The following GPRC6A variants were observed in gnomAD, a reference collection of about 807,000 sequenced individuals.
The protein encoded by GPRC6A is G protein-coupled receptor family C group 6 member A.
In GPRC6A, 54 loss-of-function variants were observed where a neutral mutation model predicts 47.0. That is an observed-to-expected ratio of 1.15 (90% confidence interval 0.92 to 1.44). GPRC6A has a LOEUF of 1.44. Among genes scored for constraint, GPRC6A ranks in the 40% most tolerant of loss-of-function variants. The pLI is 0.00. For synonymous variants in GPRC6A, 347 were observed against 377.1 expected, an observed-to-expected ratio of 0.92 and a Z score of 0.93; for missense variants, 1,112 against 1,105.5, an observed-to-expected ratio of 1.01 and a Z score of -0.08.
At chr6:116,807,840 T>C (rs1024979499) in intron 2 of GPRC6A, among the ~76,000 whole-genome samples, 15 of 152,294 alleles carry the variant, frequency 9.8e-5, no homozygotes, top group African/African-American at 3.6e-4. Flanking sequence ...TGACTCCTGA[T>C]GAAGTCAAAT....
At chr6:116,824,439 A>G (rs745824447) in intron 1 of GPRC6A, among the ~76,000 whole-genome samples, 18 of 152,066 alleles carry the variant, frequency 1.2e-4, no homozygotes, top group Non-Finnish European at 2.2e-4. Flanking sequence ...AGAAATACAA[A>G]AGATTATCAG....
At chr6:116,815,614 G>A (rs1229927942) in intron 1 of GPRC6A, among the ~76,000 whole-genome samples, 1 of 152,016 alleles carries the variant, frequency 6.6e-6, no homozygotes, top group Non-Finnish European at 1.5e-5. Context: ...CCATATATTA[G>A]GCCATAAAAC....
rs1000094362 is a variant in GPRC6A, at chr6:116,820,706, T to C, written c.194+8114A>G. 6.7e-3 allele frequency among the ~76,000 whole-genome samples: 1,016 copies of C among 152,012 alleles called. 9 individuals are homozygous for C. Among genetic ancestry groups the C allele is most frequent in the African/African-American group, 0.023 (951 of 41,390 alleles). Reference sequence around the variant, plus strand: ...ATAAATTAGGTATTGATGTGACATATTTCAAAATAATAAGAGCTATCTATG... The same window carrying C: ...ATAAATTAGGTATTGATGTGACATACTTCAAAATAATAAGAGCTATCTATG... On this transcript the variant is annotated intron_variant, in intron 1 of 5. Transcript: ENST00000310357.
chr6:116,805,964 T>C (rs1772822485), intron 3 of GPRC6A, among the ~76,000 whole-genome samples: 1 of 152,060 alleles, frequency 6.6e-6, no homozygotes, highest in Non-Finnish European at 1.5e-5. Context: ...CAGACTGCAG[T>C]TGTATTTCTG....
chr6:116,798,829 G>A (rs1772567243), intron 4 of GPRC6A, among the ~76,000 whole-genome samples: 1 of 150,790 alleles, frequency 6.6e-6, no homozygotes, highest in Admixed American at 6.6e-5. Flanking sequence ...GTTGCAGTGA[G>A]CCGAGATCAC....
intron 2 of GPRC6A, among the ~76,000 whole-genome samples, chr6:116,808,853 T>C (rs1772935411): frequency 6.6e-6 from 1 of 152,138 alleles, no homozygotes; most frequent in South Asian, 2.1e-4. Flanking sequence ...AGAGATCTTT[T>C]TGCTTATTTT....
At chr6:116,796,070 T>C (rs1772478886) in intron 4 of GPRC6A, among the ~76,000 whole-genome samples, 1 of 152,124 alleles carries the variant, frequency 6.6e-6, no homozygotes, top group Admixed American at 6.6e-5. Flanking sequence ...AAGCAAATTA[T>C]GGAAATTAGC....
Position 116,793,234 on chromosome 6 carries a change from A to T in GPRC6A, c.1689T>A (p.Leu563=), listed in dbSNP as rs759557655. The T allele has an allele frequency of 6.3e-7, 1 of 1,595,402 alleles. No individual in the cohort carries two copies. The highest frequency in any genetic ancestry group is 2.2e-5 in the East Asian group (1 of 44,734). ...CCCAGTGAGTTTTGTTGTTGCATAA[A>T]AGGCAGTGAGGCATATCTAAAAGAC... is the stretch of plus-strand genomic sequence containing the variant. The part of the protein sequence containing the change: ...YTNQTDMPHC[L]LCNNKTHWAP... Residue 563 remains leucine, a synonymous_variant, in exon 6 of 6, where the codon CTT becomes CTA. Coordinates refer to ENST00000310357, the MANE Select transcript of GPRC6A (RefSeq NM_148963.4).
chr6:116,817,078 G>T (rs1258364248), intron 1 of GPRC6A, among the ~76,000 whole-genome samples: 5 of 152,136 alleles, frequency 3.3e-5, no homozygotes, highest in African/African-American at 7.2e-5. Context: ...TCCACCTCTG[G>T]GGGCAGGGCA....
intron 1 of GPRC6A, among the ~76,000 whole-genome samples, chr6:116,822,569 G>C (rs1211753269): frequency 7.2e-6 from 1 of 139,638 alleles, no homozygotes; most frequent in Admixed American, 7.3e-5. Context: ...TAGGGACATG[G>C]ATGAAATTGG....
At chr6:116,814,177 A>G (rs1039596767) in intron 1 of GPRC6A, among the ~76,000 whole-genome samples, 1 of 152,198 alleles carries the variant, frequency 6.6e-6, no homozygotes. Context: ...TGGTTCAACC[A>G]TTGTGGAAGA....
chr6:116,815,580 G>A (rs1473692482), intron 1 of GPRC6A, among the ~76,000 whole-genome samples: 2 of 152,152 alleles, frequency 1.3e-5, no homozygotes, highest in Non-Finnish European at 2.9e-5. Flanking sequence ...TCTTCTCAGT[G>A]CATGGAACAT....
intron 1 of GPRC6A, among the ~76,000 whole-genome samples, chr6:116,824,776 A>G (rs1773626313): frequency 1.3e-5 from 2 of 152,072 alleles, no homozygotes; most frequent in African/African-American, 4.8e-5. Flanking sequence ...AAAACCAGAT[A>G]AGGACACAAT....
At position 116,792,178 on chromosome 6, in the gene GPRC6A, A is replaced by G; in HGVS notation, c.2745T>C (p.Ser915=). 6.2e-7 allele frequency: 1 copy of G among 1,613,864 alleles called. No homozygotes were observed. Among genetic ancestry groups the G allele is most frequent in the Non-Finnish European group, 8.5e-7 (1 of 1,179,818 alleles). Residue 915 remains serine (S), a synonymous_variant, in exon 6 of 6, where the codon TCT becomes TCC. Transcript: ENST00000310357. The part of the protein sequence containing the change: ...HICRENATSV[S]KTLPRKRMSS... ...ACATTCTTTTTCGAGGCAAAGTTTTAGATACACTTGTGGCATTTTCCCTGC... is the reference window on the plus strand; with the variant it reads ...ACATTCTTTTTCGAGGCAAAGTTTTGGATACACTTGTGGCATTTTCCCTGC...
chr6:116,800,532 G>A, intron 4 of GPRC6A, 52 bp downstream of exon 4: 1 of 1,138,546 alleles, frequency 8.8e-7, no homozygotes, highest in South Asian at 1.2e-5. Flanking sequence ...GACTTTTGCA[G>A]TTGAGGTACC....
chr6:116,825,292 A>T (rs1246909252), intron 1 of GPRC6A, among the ~76,000 whole-genome samples: 3 of 152,082 alleles, frequency 2.0e-5, no homozygotes, highest in Non-Finnish European at 4.4e-5. Context: ...GAGGAAGTCA[A>T]ATTGTCCCTC....
At position 116,792,572 on chromosome 6, in the gene GPRC6A, A is replaced by G. The variant is rs1232353063; in HGVS notation, c.2351T>C (p.Ile784Thr). 2 of 1,610,850 alleles carry G rather than the reference A, an allele frequency of 1.2e-6. No homozygotes were observed. Among genetic ancestry groups the G allele is most frequent in the Non-Finnish European group, 8.5e-7 (1 of 1,178,604 alleles). Residue 784 changes from isoleucine (I) to threonine (T), a missense_variant, in exon 6 of 6, where the codon ATT becomes ACT. Physicochemically the swap from Ile to Thr is moderately conservative, Grantham distance 89 (BLOSUM62 -1). Coordinates refer to ENST00000310357, the MANE Select transcript of GPRC6A (RefSeq NM_148963.4). ...GAAGTAAATGAGCATGCCAAATGTA[A>G]TGAATTTGGCTTCATTGTAATTCTC... is the stretch of plus-strand genomic sequence containing the variant. ...KYENYNEAKFITFGMLIYFIA... is the reference protein window; with the variant it reads ...KYENYNEAKFTTFGMLIYFIA...
intron 3 of GPRC6A, among the ~76,000 whole-genome samples, chr6:116,804,342 T>TA (rs1195414758): frequency 1.3e-5 from 2 of 152,090 alleles, no homozygotes; most frequent in African/African-American, 4.8e-5. Context: ...CCTTTAAAAT[T>TA]ATTTGCATCT....
At chr6:116,812,517 A>G (rs1279098550) in intron 1 of GPRC6A, among the ~76,000 whole-genome samples, 2 of 152,222 alleles carry the variant, frequency 1.3e-5, no homozygotes, top group Non-Finnish European at 2.9e-5. Flanking sequence ...TGAGAAAAAG[A>G]AAACAACATA....
Sources: gnomAD v4.1 joint callset for allele counts (sites outside exome capture counted in the v4.1 genomes callset) on GRCh38, gnomAD v4.1.1 for gene constraint, MANE v1.5 for transcripts, NCBI Gene and HGNC (gene_info 2026-07-23, HGNC 2026-07-21) for gene names.